KIAA1671: variants seen among roughly 807,000 people sequenced by gnomAD.
KIAA1671 encodes the protein uncharacterized protein KIAA1671.
KIAA1671 carries 52 observed loss-of-function variants against 131.2 expected under a neutral mutation model. The ratio of observed to expected loss-of-function variants is 0.40; its 90% confidence interval spans 0.32 to 0.50. KIAA1671 has a LOEUF of 0.50. Ranked by LOEUF, KIAA1671 falls within the 20% of genes least tolerant of loss-of-function variation. The pLI is 0.73. For synonymous variants in KIAA1671, 1,003 were observed against 961.6 expected, an observed-to-expected ratio of 1.04 and a Z score of -0.80; for missense variants, 2,360 against 2,364.2, an observed-to-expected ratio of 1.00 and a Z score of 0.04.
chr22:25,072,275 G>T (rs1299903495), intron 6 of KIAA1671, among the ~76,000 whole-genome samples: 3 of 152,162 alleles, frequency 2.0e-5, no homozygotes, highest in Non-Finnish European at 4.4e-5. Flanking sequence ...TCCTCACCTG[G>T]CTGTGTCCCA....
At chr22:24,983,084 G>A (rs1007799698) in intron 1 of KIAA1671, among the ~76,000 whole-genome samples, 1 of 152,188 alleles carries the variant, frequency 6.6e-6, no homozygotes. Flanking sequence ...CTTGGGGTCT[G>A]TGGGCTGGAG....
intron 6 of KIAA1671, among the ~76,000 whole-genome samples, chr22:25,092,693 A>C (rs1289666169): frequency 6.6e-6 from 1 of 152,118 alleles, no homozygotes; most frequent in Non-Finnish European, 1.5e-5. Context: ...AAGCCATGGG[A>C]ATGGATTGGA....
chr22:25,191,707 A>G (rs1009069037), intron 12 of KIAA1671, among the ~76,000 whole-genome samples: 13 of 152,116 alleles, frequency 8.5e-5, no homozygotes, highest in African/African-American at 1.2e-4. Context: ...GTTTCTCCTC[A>G]GTATAGGAGC....
chr22:25,008,259 A>G (rs931483868), intron 1 of KIAA1671, among the ~76,000 whole-genome samples: 1 of 151,186 alleles, frequency 6.6e-6, no homozygotes, highest in Non-Finnish European at 1.5e-5. Flanking sequence ...TTGGCTCACC[A>G]ATTCTTCCTG....
intron 6 of KIAA1671, among the ~76,000 whole-genome samples, chr22:25,117,344 A>C (rs1931715779): frequency 6.6e-6 from 1 of 152,024 alleles, no homozygotes; most frequent in African/African-American, 2.4e-5. Flanking sequence ...GAGAAATCTG[A>C]AGCACAGAGA....
intron 6 of KIAA1671, among the ~76,000 whole-genome samples, chr22:25,137,349 C>T (rs1269171094): frequency 6.6e-6 from 1 of 152,180 alleles, no homozygotes; most frequent in Non-Finnish European, 1.5e-5. Context: ...ATCCCACAGC[C>T]CGAATTCTCT....
rs532229584 is a variant in KIAA1671 at position 25,170,876 on chromosome 22, C to A, written c.4587C>A (p.Thr1529=). ...CCACTGAACCCAAGGACACTGACACCCTCGTGCACGAAGCCGGCAGCCAGT... is the reference window on the plus strand; with the variant it reads ...CCACTGAACCCAAGGACACTGACACACTCGTGCACGAAGCCGGCAGCCAGT... ...RQPTEPKDTD[T]LVHEAGSQYG... The change falls in exon 7 of 13, where the codon ACC becomes ACA. Residue 1529 remains threonine, a synonymous_variant. Coordinates refer to ENST00000358431, the MANE Select transcript of KIAA1671 (RefSeq NM_001145206.2). 2.8e-5 allele frequency: 44 copies of A among 1,551,672 alleles called. No individual in the cohort carries two copies. The East Asian group carries it at 9.8e-4, about 34-fold the overall frequency.
intron 1 of KIAA1671, chr22:25,024,743 G>T (rs995074170): frequency 6.6e-6 from 1 of 152,154 alleles, no homozygotes; most frequent in African/African-American, 2.4e-5. Context: ...TCATGTATCT[G>T]GTGCTTTTAT....
intron 1 of KIAA1671, among the ~76,000 whole-genome samples, chr22:24,953,897 C>T (rs1303511481): frequency 6.6e-6 from 1 of 152,114 alleles, no homozygotes; most frequent in Non-Finnish European, 1.5e-5. Context: ...TTTCTTTGCA[C>T]CTTTTTTGTG....
chr22:25,012,368 G>C (rs1925084365), intron 1 of KIAA1671: 2 of 151,530 alleles, frequency 1.3e-5, no homozygotes, highest in African/African-American at 4.9e-5. Context: ...TGCCTCCCCA[G>C]TTCAAGTGAT....
intron 1 of KIAA1671, chr22:25,024,544 T>C (rs2123895733): frequency 6.6e-6 from 1 of 152,298 alleles, no homozygotes; most frequent in African/African-American, 2.4e-5. Context: ...TTTGATTCTG[T>C]CATTCAGTAG....
At chr22:24,977,707 G>T (rs1257901194) in intron 1 of KIAA1671, among the ~76,000 whole-genome samples, 2 of 152,228 alleles carry the variant, frequency 1.3e-5, no homozygotes, top group Non-Finnish European at 2.9e-5. Flanking sequence ...AGAGGGCAGG[G>T]CCTTGGCCTA....
In KIAA1671 at chr22:25,084,609, A is replaced by G. The variant is rs1055381318; in HGVS notation, c.4530+35245A>G. Among the ~76,000 whole-genome samples, 3 of 152,332 alleles carry G rather than the reference A, an allele frequency of 2.0e-5. No individual in the cohort carries two copies. In the East Asian group the frequency reaches 5.8e-4, roughly 29 times the overall value. ...ATCAGTTGCCATAACAAACGACTCC[A>G]AAACAGCAGTGCAAACCAACCACTG... is the stretch of plus-strand genomic sequence containing the variant. On this transcript the variant is annotated intron_variant, in intron 6 of 12. Coordinates refer to ENST00000358431, the MANE Select transcript of KIAA1671 (RefSeq NM_001145206.2).
In KIAA1671 at chr22:25,028,589, C is replaced by G; in HGVS notation, c.590C>G (p.Ala197Gly). 2 of 1,550,766 alleles carry G rather than the reference C, an allele frequency of 1.3e-6. No homozygotes were observed. Among genetic ancestry groups the G allele is most frequent in the Non-Finnish European group, 1.7e-6 (2 of 1,146,808 alleles). ...QKPAGTLPRS[A>G]PLSQDTKPPV... ...CCTGCGGGGACCCTTCCCCGGTCAG[C>G]TCCCCTGTCTCAGGACACAAAACCA... Residue 197 changes from alanine (A) to glycine (G), a missense_variant, in exon 3 of 13, where the codon GCT becomes GGT. Coordinates refer to ENST00000358431, the MANE Select transcript of KIAA1671 (RefSeq NM_001145206.2).
intron 1 of KIAA1671, among the ~76,000 whole-genome samples, chr22:24,976,963 G>A (rs1404227995): frequency 6.6e-6 from 1 of 152,062 alleles, no homozygotes; most frequent in Non-Finnish European, 1.5e-5. Flanking sequence ...TGAGTCCTCT[G>A]CTTCACCACT....
chr22:25,066,983 C>G (rs544531177), intron 6 of KIAA1671, among the ~76,000 whole-genome samples: 1 of 152,288 alleles, frequency 6.6e-6, no homozygotes, highest in East Asian at 1.9e-4. Context: ...AGAGAGGACA[C>G]TGTTCCACTT....
chr22:25,157,617 GAA>G, intron 6 of KIAA1671, among the ~76,000 whole-genome samples: 3 of 152,162 alleles, frequency 2.0e-5, no homozygotes, highest in Admixed American at 2.0e-4. Flanking sequence ...GAGTTAAAAA[GAA>G]CATCAAATTT....
intron 8 of KIAA1671, chr22:25,176,602 A>G (rs1162069348): frequency 1.3e-5 from 2 of 152,250 alleles, no homozygotes; most frequent in Non-Finnish European, 2.9e-5. Flanking sequence ...CCAAGGTCAC[A>G]TAACCAGGAT....
intron 1 of KIAA1671, among the ~76,000 whole-genome samples, chr22:24,987,952 G>A (rs896790954): frequency 6.6e-6 from 1 of 152,152 alleles, no homozygotes; most frequent in African/African-American, 2.4e-5. Flanking sequence ...CCCTGCAGGG[G>A]GTCCATCTGC....
Sources: allele counts gnomAD v4.1 joint callset (sites outside exome capture counted in the v4.1 genomes callset), GRCh38; gene constraint gnomAD v4.1.1; transcripts MANE v1.5; gene names NCBI Gene and HGNC (gene_info 2026-07-23, HGNC 2026-07-21).